SNRNP35: variants seen among roughly 807,000 people sequenced by gnomAD.
SNRNP35 encodes the protein U11/U12 small nuclear ribonucleoprotein 35 kDa protein.
Under a neutral mutation model 24.3 loss-of-function variants are expected in SNRNP35, and 16 were observed. The ratio of observed to expected loss-of-function variants is 0.66; its 90% CI spans 0.45 to 1.00. SNRNP35 has a LOEUF of 1.00. Among genes scored for constraint, SNRNP35 ranks in the 50% least tolerant of loss-of-function variants. SNRNP35 has a pLI of 0.00. For missense variants in SNRNP35, 292 were observed against 327.2 expected (o/e 0.89, Z 0.83); for synonymous variants, 106 against 124.8 (o/e 0.85, Z 1.00).
At chr12:123,472,570 C>G in exon 2 of SNRNP35, 1 of 1,553,860 alleles carries the variant, frequency 6.4e-7, no homozygotes, top group Non-Finnish European at 8.7e-7. Context: ...TGTCCTTGCT[C>G]TGTGTAACCG....
At chr12:123,458,429 CG>C (rs34906511) in intron 1 of SNRNP35, among the ~76,000 whole-genome samples, 78,730 of 151,366 alleles carry the variant, frequency 0.52, 23,057 homozygotes, top group East Asian at 0.99. Context: ...AGGAGAGGGG[CG>C]GGGGAGCGGC....
intron 1 of SNRNP35, among the ~76,000 whole-genome samples, chr12:123,460,956 CTTTT>C (rs35246652): frequency 4.9e-5 from 6 of 122,770 alleles, no homozygotes; most frequent in Non-Finnish European, 1.0e-4. Context: ...TGCGCCTGGC[CTTTT>C]TTTTTTTTTT....
At chr12:123,461,588 C>T (rs1880635506) in intron 1 of SNRNP35, among the ~76,000 whole-genome samples, 1 of 152,064 alleles carries the variant, frequency 6.6e-6, no homozygotes, top group African/African-American at 2.4e-5. Flanking sequence ...AGAGAGGCAG[C>T]CTCTGCAAAG....
rs1279316167 is a variant in SNRNP35 at position 123,463,167 on chromosome 12, C to T, written c.-3-2371C>T. Among the ~76,000 whole-genome samples the T allele has an allele frequency of 3.9e-5, 6 of 152,162 alleles. No individual in the cohort carries two copies. The South Asian group carries it at 6.2e-4, about 16-fold the overall frequency. ...TCTCAAGTTCCAAGGCTCAAGCCAT[C>T]CTCCTGTCTTAGCCCCCCTAGTAGC... On this transcript the variant is annotated intron_variant, in intron 1 of 1. Transcript: ENST00000526639.
chr12:123,465,644 T>G lies in SNRNP35; in HGVS notation c.104T>G (p.Met35Arg). ...CACGACCGCGCGGTCTGGAGGGCAA[T>G]GCTGGCACGATATGTCCCCAACAAA... ...DPHDRAVWRA[M>R]LARYVPNKGV... Residue 35 changes from methionine (M) to arginine (R), a missense_variant, in exon 2 of 2, where the codon ATG becomes AGG. Physicochemically the swap from Met to Arg is moderately conservative, Grantham distance 91. Coordinates refer to ENST00000526639, the MANE Select transcript of SNRNP35 (RefSeq NM_022717.4). The surrounding 1 kb of genome is among the most constrained non-coding windows in gnomAD (Gnocchi z 4.2). 6.2e-7 allele frequency: 1 copy of G among 1,613,770 alleles called. No individual in the cohort carries two copies.
intron 1 of SNRNP35, among the ~76,000 whole-genome samples, chr12:123,461,786 A>G (rs533482860): frequency 4.0e-5 from 6 of 150,714 alleles, no homozygotes; most frequent in East Asian, 1.9e-4. Context: ...CAGTGGCGCA[A>G]TTTCAGCTCA....
intron 1 of SNRNP35, chr12:123,458,966 A>T (rs537983328): frequency 6.9e-6 from 1 of 144,798 alleles, no homozygotes; most frequent in East Asian, 2.1e-4. Flanking sequence ...TTCCCCAGAG[A>T]CAGGGAGTCG....
Position 123,466,015 on chromosome 12 carries a change from G to C in SNRNP35, c.475G>C (p.Asp159His). The C allele has an allele frequency of 6.2e-7, 1 of 1,614,140 alleles. No homozygotes were observed. The highest frequency in any genetic ancestry group is 8.5e-7 in the Non-Finnish European group (1 of 1,180,032). ...TGGGCAACTGAGATTTGGGGGACGG[G>C]ACCGGCCTTTTCGAAAACCTATTAA... ...ESGQLRFGGR[D>H]RPFRKPINLP... The change falls in exon 2 of 2, where the codon GAC becomes CAC. Residue 159 changes from aspartate to histidine, a missense_variant. Coordinates refer to ENST00000526639, the MANE Select transcript of SNRNP35 (RefSeq NM_022717.4).
chr12:123,471,863 C>CA (rs1491403383), downstream of SNRNP35: 1 of 152,878 alleles, frequency 6.5e-6, no homozygotes, highest in Non-Finnish European at 1.5e-5. Flanking sequence ...CTGCATAACT[C>CA]ACAGCAGATT....
At chr12:123,468,526 GA>G (rs377183254), downstream of SNRNP35, among the ~76,000 whole-genome samples, 22 of 151,864 alleles carry the variant, frequency 1.4e-4, no homozygotes, top group African/African-American at 4.8e-4. Context: ...TTCTCTTTAC[GA>G]AAAACACAAA....
downstream of SNRNP35, chr12:123,470,692 G>T (rs547129758): frequency 6.6e-6 from 1 of 152,390 alleles, no homozygotes; most frequent in Non-Finnish European, 1.5e-5. Flanking sequence ...GCTCAGGCAT[G>T]AGAATTGCTT....
chr12:123,462,255 A>C (rs1467890530), intron 1 of SNRNP35, among the ~76,000 whole-genome samples: 1 of 152,154 alleles, frequency 6.6e-6, no homozygotes, highest in Non-Finnish European at 1.5e-5. Context: ...AGGGAGATAG[A>C]CAGGGAGAGC....
chr12:123,460,129 G>T (rs1334247716), intron 1 of SNRNP35, among the ~76,000 whole-genome samples: 1 of 152,166 alleles, frequency 6.6e-6, no homozygotes, highest in East Asian at 1.9e-4. Context: ...ACTGCACCGG[G>T]CCCCTTGTGA....
chr12:123,459,924 G>T, intron 1 of SNRNP35: 1 of 1,411,940 alleles, frequency 7.1e-7, no homozygotes, highest in South Asian at 1.2e-5. Flanking sequence ...GAAGCATGCA[G>T]ATGAGAGAGA....
At chr12:123,461,950 G>A (rs1880656092) in intron 1 of SNRNP35, among the ~76,000 whole-genome samples, 1 of 152,026 alleles carries the variant, frequency 6.6e-6, no homozygotes, top group South Asian at 2.1e-4. Flanking sequence ...TTGAGCTGCT[G>A]ACCTCGTGAT....
At chr12:123,460,085 G>A (rs941560730) in intron 1 of SNRNP35, among the ~76,000 whole-genome samples, 1 of 152,060 alleles carries the variant, frequency 6.6e-6, no homozygotes, top group Non-Finnish European at 1.5e-5. Flanking sequence ...GCTCATCTTG[G>A]CCTCCTCAAG....
intron 1 of SNRNP35, chr12:123,464,715 C>CA (rs1249578189): frequency 6.6e-6 from 1 of 152,136 alleles, no homozygotes; most frequent in African/African-American, 2.4e-5. Context: ...GCTTGCTGGA[C>CA]AAAAAATTAC....
At chr12:123,472,587 C>G (rs1185549696) in exon 2 of SNRNP35, 2 of 1,560,868 alleles carry the variant, frequency 1.3e-6, no homozygotes, top group South Asian at 2.4e-5. Context: ...ACCGTCATCG[C>G]GGTGGGTGTT....
At chr12:123,459,867 C>T in intron 1 of SNRNP35, 1 of 1,596,064 alleles carries the variant, frequency 6.3e-7, no homozygotes, top group African/African-American at 1.3e-5. Flanking sequence ...GGAAGTGCAC[C>T]TAGAAAGATT....
Sources: allele counts gnomAD v4.1 joint callset (sites outside exome capture counted in the v4.1 genomes callset), GRCh38; gene constraint gnomAD v4.1.1; non-coding constraint Gnocchi (gnomAD v3.1); transcripts MANE v1.5; gene names NCBI Gene and HGNC (gene_info 2026-07-23, HGNC 2026-07-21).